DIAPH2: variants seen among roughly 807,000 people sequenced by gnomAD.
DIAPH2 encodes diaphanous related formin 2.
Under a neutral mutation model 92.7 loss-of-function variants are expected in DIAPH2, and 35 were observed. The ratio of observed to expected loss-of-function variants is 0.38; its 90% CI spans 0.29 to 0.50. The LOEUF (loss-of-function observed/expected upper bound fraction) is 0.50. Ranked by LOEUF, DIAPH2 falls within the 20% of genes least tolerant of loss-of-function variation. The pLI is 0.94. For missense variants in DIAPH2, 701 were observed against 819.5 expected, an observed-to-expected ratio of 0.86 and a Z score of 1.77; for synonymous variants, 301 against 280.4, an observed-to-expected ratio of 1.07 and a Z score of -0.73.
At position 97,273,685 on chromosome X, in the gene DIAPH2, G is replaced by A. The variant is rs140643812; in HGVS notation, c.2844+25846G>A. 4.3e-3 allele frequency among the ~76,000 whole-genome samples: 477 copies of A among 111,830 alleles called. 3 individuals carry two copies. The highest frequency in any genetic ancestry group is 0.014 in the African/African-American group (416 of 30,810). The stretch of plus-strand genomic sequence containing the variant: ...GTGATACTCAGATATTTTTCAGTAA[G>A]TTTCAGTTTAGGGGGGATTTGTACA... On this transcript the variant is annotated intron_variant, in intron 23 of 26. Transcript: ENST00000324765.
intron 7 of DIAPH2, 126 bp downstream of exon 7, chrX:96,912,678 GA>G (rs1283772726): frequency 3.5e-5 from 28 of 806,662 alleles, no homozygotes; most frequent in Non-Finnish European, 4.3e-5. Context: ...GTATATAGGC[GA>G]ACATGTGCCA....
intron 26 of DIAPH2, among the ~76,000 whole-genome samples, chrX:97,571,236 C>A (rs1232555435): frequency 9.0e-6 from 1 of 111,418 alleles, no homozygotes; most frequent in Non-Finnish European, 1.9e-5. Flanking sequence ...CAAGTTTTCT[C>A]ATAATATATT....
At chrX:97,541,967 A>G (rs1475548024) in intron 26 of DIAPH2, among the ~76,000 whole-genome samples, 3 of 112,232 alleles carry the variant, frequency 2.7e-5, no homozygotes, top group South Asian at 3.7e-4. Flanking sequence ...TGGGGGGTAA[A>G]TTGTATGAGG....
At chrX:96,929,416 G>A (rs1158575738) in intron 9 of DIAPH2, among the ~76,000 whole-genome samples, 2 of 110,951 alleles carry the variant, frequency 1.8e-5, no homozygotes, top group African/African-American at 6.5e-5. Context: ...AGACTATATT[G>A]TTGTATCATT....
chrX:97,357,122 GA>G (rs1225606523), intron 24 of DIAPH2, among the ~76,000 whole-genome samples: 1 of 111,442 alleles, frequency 9.0e-6, no homozygotes, highest in Non-Finnish European at 1.9e-5. Flanking sequence ...AGTTATTATT[GA>G]ATTATGTCCA....
intron 4 of DIAPH2, among the ~76,000 whole-genome samples, chrX:96,779,297 T>C (rs899540174): frequency 4.5e-5 from 5 of 112,076 alleles, no homozygotes; most frequent in Admixed American, 3.8e-4. Context: ...ATCCATTCAA[T>C]TGTTTACTGA....
chrX:96,809,306 A>C (rs774690953), intron 4 of DIAPH2, among the ~76,000 whole-genome samples: 6 of 105,827 alleles, frequency 5.7e-5, no homozygotes, highest in Non-Finnish European at 1.2e-4. Context: ...TCCCAGCTTC[A>C]TATTGTATGG....
rs1361555391 is a variant in DIAPH2 at position 97,604,719 on chromosome X, C to T, written c.*5402C>T. On this transcript the variant is annotated 3_prime_UTR_variant, in exon 27 of 27. Coordinates refer to ENST00000324765, the MANE Select transcript of DIAPH2 (RefSeq NM_006729.5). ...GTTCACAGTGCAGGCACAAAACTACCTCTGATACAGAAGGGTTCTTTACAA... is the reference window on the plus strand; with the variant it reads ...GTTCACAGTGCAGGCACAAAACTACTTCTGATACAGAAGGGTTCTTTACAA... The T allele has an allele frequency of 8.9e-6, 1 of 112,279 alleles. No individual in the cohort carries two copies. The highest frequency in any genetic ancestry group is 9.5e-5 in the Admixed American group (1 of 10,560). The allele number at this position is 112,279 out of a possible 1,213,427, so 9.3% of individuals were successfully genotyped here.
At chrX:97,053,730 G>T (rs2066536927) in intron 17 of DIAPH2, among the ~76,000 whole-genome samples, 2 of 111,334 alleles carry the variant, frequency 1.8e-5, no homozygotes, top group Non-Finnish European at 3.8e-5. Flanking sequence ...ATTCACAAAA[G>T]AAATACCTTA....
At chrX:97,048,699 C>G (rs988860790) in intron 17 of DIAPH2, among the ~76,000 whole-genome samples, 9 of 111,213 alleles carry the variant, frequency 8.1e-5, no homozygotes, top group African/African-American at 2.9e-4. Context: ...GCGGTTGGCA[C>G]TCAGCATTCT....
At chrX:97,058,501 C>T (rs1293524717) in intron 17 of DIAPH2, among the ~76,000 whole-genome samples, 1 of 103,409 alleles carries the variant, frequency 9.7e-6, no homozygotes, top group Non-Finnish European at 2.0e-5. Context: ...TATGCTTGAC[C>T]TTCCTGCTAC....
At chrX:96,927,174 C>T (rs1371906718) in intron 9 of DIAPH2, among the ~76,000 whole-genome samples, 15 of 110,543 alleles carry the variant, frequency 1.4e-4, no homozygotes, top group Non-Finnish European at 2.6e-4. Context: ...ATCATCCAAT[C>T]TTTCTAGGTT....
intron 26 of DIAPH2, among the ~76,000 whole-genome samples, chrX:97,494,148 T>TACAC (rs1263785202): frequency 2.0e-4 from 21 of 103,847 alleles, no homozygotes; most frequent in African/African-American, 7.0e-4. Context: ...TATATATGTA[T>TACAC]ACACACACAC....
At chrX:97,145,122 A>G (rs1355851834) in intron 22 of DIAPH2, among the ~76,000 whole-genome samples, 1 of 112,027 alleles carries the variant, frequency 8.9e-6, no homozygotes, top group African/African-American at 3.2e-5. Context: ...AATTTGAGCT[A>G]ATAATTTAAA....
At chrX:97,437,956 A>G (rs372338595) in intron 26 of DIAPH2, among the ~76,000 whole-genome samples, 11 of 109,270 alleles carry the variant, frequency 1.0e-4, no homozygotes, top group African/African-American at 3.7e-4. Context: ...GAAATCAACA[A>G]AGGATACTCA....
intron 24 of DIAPH2, among the ~76,000 whole-genome samples, chrX:97,364,759 G>GTTTTTTTTTTT (rs11286549): frequency 3.5e-4 from 20 of 56,545 alleles, no homozygotes; most frequent in African/African-American, 1.0e-3. Context: ...GTCTCCTGGT[G>GTTTTTTTTTTT]TTTTTTTTTT....
chrX:97,024,228 C>T (rs1180818996), intron 17 of DIAPH2, among the ~76,000 whole-genome samples: 1 of 112,066 alleles, frequency 8.9e-6, no homozygotes, highest in Admixed American at 9.5e-5. Flanking sequence ...AAAAATATTT[C>T]GATTTTATGT....
At chrX:97,354,591 C>A (rs1185568655) in intron 24 of DIAPH2, among the ~76,000 whole-genome samples, 1 of 111,853 alleles carries the variant, frequency 8.9e-6, no homozygotes, top group Non-Finnish European at 1.9e-5. Flanking sequence ...CCAGGCTGGT[C>A]TCAAACTCCT....
At chrX:96,746,304 C>T (rs1486745651) in intron 3 of DIAPH2, among the ~76,000 whole-genome samples, 4 of 111,613 alleles carry the variant, frequency 3.6e-5, no homozygotes, top group Admixed American at 2.8e-4. Context: ...AGTATGGTTA[C>T]CAACTACTAA....
Sources: allele counts gnomAD v4.1 joint callset (sites outside exome capture counted in the v4.1 genomes callset), GRCh38; gene constraint gnomAD v4.1.1; transcripts MANE v1.5; gene names NCBI Gene and HGNC (gene_info 2026-07-23, HGNC 2026-07-21).